PPIL6: variants seen among roughly 807,000 people sequenced by gnomAD.
PPIL6 encodes probable inactive peptidyl-prolyl cis-trans isomerase-like 6.
PPIL6 carries 39 observed loss-of-function variants against 36.8 expected under a neutral mutation model. That is an observed-to-expected ratio of 1.06 (90% CI 0.82 to 1.38). The LOEUF is 1.38. Among genes scored for constraint, PPIL6 ranks in the 40% most tolerant of loss-of-function variants. The probability of loss-of-function intolerance (pLI) is 0.00; values close to 1 mark genes in which losing one functional copy is unlikely to be tolerated. For synonymous variants in PPIL6, 123 were observed against 134.1 expected, an observed-to-expected ratio of 0.92 and a Z score of 0.57; for missense variants, 368 against 379.1, an observed-to-expected ratio of 0.97 and a Z score of 0.24.
intron 5 of PPIL6, 136 bp from the exon 6 acceptor site, chr6:109,419,379 G>C: frequency 1.7e-6 from 1 of 599,806 alleles, no homozygotes; most frequent in Non-Finnish European, 3.0e-6. Flanking sequence ...CCAGGAGTTT[G>C]AGACCAGCCT....
At chr6:109,440,906 G>C (rs1415177480), upstream of PPIL6, 1 of 566,402 alleles carries the variant, frequency 1.8e-6, no homozygotes, top group African/African-American at 2.0e-5. Context: ...TCGCCTTTCC[G>C]GGTTGGCGGC....
In PPIL6 at chr6:109,420,248, G is replaced by A. The variant is rs576646643; in HGVS notation, c.632-1005C>T. 1.4e-4 allele frequency among the ~76,000 whole-genome samples: 19 copies of A among 137,378 alleles called. No individual in the cohort carries two copies. The South Asian group carries it at 3.0e-3, about 22-fold the overall frequency. The allele number at this position is 137,378 out of a possible 152,430, so 90.1% of individuals were successfully genotyped here. A position where few individuals can be genotyped will look rare whatever the true frequency, so the allele number is the denominator to read the frequency against. On this transcript the variant is annotated intron_variant, in intron 5 of 7. Transcript: ENST00000521072. The stretch of plus-strand genomic sequence containing the variant: ...CTCGGGAGGCTGAGGCAGGAGAATT[G>A]CTTGAATCCGGGAGGCAGAGGTTGC...
chr6:109,394,370 C>CAAAAAAA (rs560635029), intron 7 of PPIL6, among the ~76,000 whole-genome samples: 2 of 50,282 alleles, frequency 4.0e-5, no homozygotes, highest in Non-Finnish European at 8.4e-5. Context: ...AGACTTATCT[C>CAAAAAAA]AAAAAAAAAA....
chr6:109,421,474 C>T (rs548286358), intron 5 of PPIL6, among the ~76,000 whole-genome samples: 1 of 152,202 alleles, frequency 6.6e-6, no homozygotes, highest in Admixed American at 6.5e-5. Flanking sequence ...AATGAAATAA[C>T]ATAGGTAGAG....
upstream of PPIL6, chr6:109,440,886 C>A: frequency 1.8e-6 from 1 of 549,112 alleles, no homozygotes; most frequent in Non-Finnish European, 3.1e-6. Context: ...GCCCGGATTT[C>A]GGCAGCGGAT....
At chr6:109,396,423 C>T (rs779176430) in intron 7 of PPIL6, among the ~76,000 whole-genome samples, 21 of 152,160 alleles carry the variant, frequency 1.4e-4, no homozygotes, top group Non-Finnish European at 2.1e-4. Context: ...CCCTCTTATC[C>T]GGCCTCCACC....
chr6:109,422,353 T>C (rs2115253190), intron 5 of PPIL6, among the ~76,000 whole-genome samples: 1 of 152,172 alleles, frequency 6.6e-6, no homozygotes, highest in East Asian at 1.9e-4. Context: ...TTGGTGGGGC[T>C]GAGGCAAGAG....
chr6:109,440,361 C>A, intron 1 of PPIL6, 95 bp downstream of exon 1: 4 of 1,439,352 alleles, frequency 2.8e-6, no homozygotes, highest in Non-Finnish European at 3.8e-6. Flanking sequence ...GGCCTCGACC[C>A]CCGCCGCCTC....
Position 109,395,607 on chromosome 6 carries a change from C to CTTT in PPIL6, c.825-2673_825-2671dup, listed in dbSNP as rs765163208. On this transcript the variant is annotated intron_variant, in intron 7 of 7. Transcript: ENST00000521072. ...AGGCCCTCACCCCCGACTCTAACTT[C>CTTT]TTTTTTTTTTTTTTTTTTGAGACAG... 2.3e-3 allele frequency among the ~76,000 whole-genome samples: 258 copies of CTTT among 111,112 alleles called. 1 individual carries two copies. Among genetic ancestry groups the CTTT allele is most frequent in the African/African-American group, 7.9e-3 (254 of 32,002 alleles). 72.9% of individuals were successfully genotyped at this position (111,112 alleles called of 152,430 possible). A position where few individuals can be genotyped will look rare whatever the true frequency, so the allele number is the denominator to read the frequency against.
At chr6:109,439,790 GA>G (rs1439008493) in intron 1 of PPIL6, among the ~76,000 whole-genome samples, 1 of 152,204 alleles carries the variant, frequency 6.6e-6, no homozygotes, top group Admixed American at 6.5e-5. Context: ...AAGAAGGGCT[GA>G]ATTCTACATG....
intron 5 of PPIL6, among the ~76,000 whole-genome samples, chr6:109,420,145 C>T (rs753474185): frequency 6.6e-6 from 1 of 151,662 alleles, no homozygotes; most frequent in South Asian, 2.1e-4. Context: ...ACCAGCCTGG[C>T]CAACATGGTG....
intron 6 of PPIL6, among the ~76,000 whole-genome samples, chr6:109,417,881 T>G (rs924045017): frequency 1.3e-5 from 2 of 152,228 alleles, no homozygotes; most frequent in Non-Finnish European, 2.9e-5. Context: ...CCAATTTTCC[T>G]TTAAAACCCT....
intron 6 of PPIL6, among the ~76,000 whole-genome samples, chr6:109,417,086 C>T (rs1773299028): frequency 6.6e-6 from 1 of 151,572 alleles, no homozygotes; most frequent in Non-Finnish European, 1.5e-5. Context: ...AGGAGGATCC[C>T]TTAAGCCCAG....
intron 6 of PPIL6, among the ~76,000 whole-genome samples, chr6:109,412,040 G>A (rs1039238570): frequency 7.2e-5 from 11 of 152,344 alleles, no homozygotes; most frequent in South Asian, 4.1e-4. Context: ...AATAGGGCCA[G>A]GGCGAAAGCA....
intron 2 of PPIL6, among the ~76,000 whole-genome samples, chr6:109,435,270 C>T (rs1400958492): frequency 6.6e-6 from 1 of 150,656 alleles, no homozygotes; most frequent in Non-Finnish European, 1.5e-5. Context: ...TCATGCTTTC[C>T]AAAGGAAAAT....
intron 3 of PPIL6, among the ~76,000 whole-genome samples, chr6:109,428,716 C>A (rs888458124): frequency 6.6e-6 from 1 of 151,972 alleles, no homozygotes; most frequent in African/African-American, 2.4e-5. Context: ...TATCTGGCAT[C>A]TAGCAATGAA....
rs1004937494 is a variant in PPIL6 at position 109,413,218 on chromosome 6, G to A, written c.688+5969C>T. ...AATATTTGCAAACTACCCATCTGAC[G>A]AGGGATTAATAACCAGAATATATAA... On this transcript the variant is annotated intron_variant, in intron 6 of 7. Transcript: ENST00000521072. This position sits in a 1 kb window ranked among gnomAD's most constrained non-coding sequence, Gnocchi z 4.6. Among the ~76,000 whole-genome samples, 4 of 151,988 alleles carry A rather than the reference G, an allele frequency of 2.6e-5. No homozygotes were observed. Among genetic ancestry groups the A allele is most frequent in the African/African-American group, 7.2e-5 (3 of 41,400 alleles).
At chr6:109,392,987 T>G (rs1022055774) in intron 7 of PPIL6, 50 bp from the exon 8 acceptor site, 2 of 1,097,008 alleles carry the variant, frequency 1.8e-6, no homozygotes, top group African/African-American at 3.1e-5. Flanking sequence ...AGTTTTCATA[T>G]TTAGCTTAAC....
intron 5 of PPIL6, among the ~76,000 whole-genome samples, chr6:109,423,441 T>A (rs907451199): frequency 6.6e-6 from 1 of 152,122 alleles, no homozygotes; most frequent in South Asian, 2.1e-4. Flanking sequence ...TTTTCCTCTA[T>A]CCATTTTAAA....
Sources: allele counts gnomAD v4.1 joint callset (sites outside exome capture counted in the v4.1 genomes callset), GRCh38; gene constraint gnomAD v4.1.1; non-coding constraint Gnocchi (gnomAD v3.1); transcripts MANE v1.5; gene names NCBI Gene and HGNC (gene_info 2026-07-23, HGNC 2026-07-21).